ABCG1: variants seen among roughly 807,000 people sequenced by gnomAD.
The protein encoded by ABCG1 is ATP-binding cassette sub-family G member 1.
ABCG1 carries 29 observed loss-of-function variants against 69.2 expected under a neutral mutation model. The observed-to-expected ratio is 0.42, with a 90% confidence interval of 0.31 to 0.57. ABCG1 has a LOEUF of 0.57. Among genes scored for constraint, ABCG1 ranks in the 20% least tolerant of loss-of-function variants. The pLI, the probability that ABCG1 is intolerant of heterozygous loss-of-function variation, is 0.15. For synonymous variants in ABCG1, 370 were observed against 374.8 expected, an observed-to-expected ratio of 0.99 and a Z score of 0.15; for missense variants, 718 against 898.1, an observed-to-expected ratio of 0.80 and a Z score of 2.56.
At chr21:42,223,053 CGT>C (rs2067755429) in intron 1 of ABCG1, among the ~76,000 whole-genome samples, 1 of 152,202 alleles carries the variant, frequency 6.6e-6, no homozygotes, top group Non-Finnish European at 1.5e-5. Context: ...ATGCAAAACC[CGT>C]AACCAAGTTG....
chr21:42,204,175 T>C (rs1020341314), intron 2 of ABCG1, among the ~76,000 whole-genome samples: 2 of 152,230 alleles, frequency 1.3e-5, no homozygotes, highest in African/African-American at 4.8e-5. Context: ...TAGACAATCA[T>C]GTCATTTGAA....
rs145021301 is a variant in ABCG1, at chr21:42,205,813, T to C, written c.48+4090T>C. ...GAGTTTTCCTCATTTCCAATGTATA[T>C]GAATTCAGTGCTATAAATTTCCCTT... On this transcript the variant is annotated intron_variant, in intron 2 of 15. Coordinates refer to the ABCG1 transcript ENST00000398457. Among the ~76,000 whole-genome samples, 683 of 152,344 alleles carry C rather than the reference T, an allele frequency of 4.5e-3. 5 individuals carry two copies. Among genetic ancestry groups the C allele is most frequent in the African/African-American group, 0.015 (632 of 41,586 alleles).
intron 6 of ABCG1, 139 bp from the exon 7 acceptor site, chr21:42,284,421 C>A: frequency 9.5e-7 from 1 of 1,057,590 alleles, no homozygotes; most frequent in Non-Finnish European, 1.3e-6. Context: ...GAGCAGAGCC[C>A]GGCCTGGGAC....
At chr21:42,225,349 C>G (rs140619059) in intron 1 of ABCG1, among the ~76,000 whole-genome samples, 1 of 152,234 alleles carries the variant, frequency 6.6e-6, no homozygotes, top group African/African-American at 2.4e-5. Context: ...TAGATCGATG[C>G]CTATGGTGGC....
intron 6 of ABCG1, 53 bp downstream of exon 6, chr21:42,282,472 T>C: frequency 6.4e-7 from 1 of 1,557,012 alleles, no homozygotes; most frequent in Non-Finnish European, 8.7e-7. Flanking sequence ...ACCCCCTGTA[T>C]TCAGCGGTTC....
intron 2 of ABCG1, among the ~76,000 whole-genome samples, chr21:42,231,991 G>C (rs75512856): frequency 0.018 from 2,809 of 152,262 alleles, 81 homozygotes; most frequent in African/African-American, 0.063. Context: ...AGAATTCAGA[G>C]GACTGGAGAA....
At chr21:42,221,514 G>T (rs960015060) in intron 1 of ABCG1, among the ~76,000 whole-genome samples, 1 of 152,122 alleles carries the variant, frequency 6.6e-6, no homozygotes. Context: ...ACAAGGGGTG[G>T]CAAATGCGTC....
intron 2 of ABCG1, among the ~76,000 whole-genome samples, chr21:42,270,363 G>A (rs2068594600): frequency 6.7e-6 from 1 of 149,318 alleles, no homozygotes; most frequent in African/African-American, 2.5e-5. Flanking sequence ...CAGTCTATTT[G>A]AAAAAAAATT....
At chr21:42,245,256 T>C (rs1388009732) in intron 2 of ABCG1, among the ~76,000 whole-genome samples, 1 of 152,242 alleles carries the variant, frequency 6.6e-6, no homozygotes. Context: ...AAACAGGATT[T>C]ACTTAGAAGG....
At chr21:42,267,419 T>C (rs1267476979) in intron 2 of ABCG1, among the ~76,000 whole-genome samples, 2 of 151,510 alleles carry the variant, frequency 1.3e-5, no homozygotes, top group African/African-American at 2.4e-5. Flanking sequence ...CTGGGTCTGA[T>C]CTGGGTTCTG....
At chr21:42,254,850 G>T (rs139831542) in intron 2 of ABCG1, among the ~76,000 whole-genome samples, 1 of 152,218 alleles carries the variant, frequency 6.6e-6, no homozygotes, top group African/African-American at 2.4e-5. Flanking sequence ...TGGGGAGCGA[G>T]GGGGAGGGGA....
chr21:42,272,123 C>T (rs906519391), intron 3 of ABCG1, among the ~76,000 whole-genome samples: 22 of 152,284 alleles, frequency 1.4e-4, no homozygotes, highest in Admixed American at 9.8e-4. Context: ...TCACCCTTTT[C>T]CTTAGAGCTT....
chr21:42,239,233 C>T (rs2068017379), intron 2 of ABCG1, among the ~76,000 whole-genome samples: 1 of 152,142 alleles, frequency 6.6e-6, no homozygotes, highest in African/African-American at 2.4e-5. Flanking sequence ...ACTTACCCCT[C>T]CTGTGAAAAG....
At position 42,225,842 on chromosome 21, in the gene ABCG1, A is replaced by C. The variant is rs2067807925; in HGVS notation, c.214A>C (p.Arg72=). The C allele has an allele frequency of 6.2e-7, 1 of 1,613,806 alleles. No individual in the cohort carries two copies. Among genetic ancestry groups the C allele is most frequent in the African/African-American group, 1.3e-5 (1 of 74,814 alleles). The change falls in exon 2 of 15, where the codon AGG becomes CGG. Residue 72 remains arginine, a synonymous_variant. Transcript: ENST00000398449. The part of the protein sequence containing the change: ...EAQRFSSLPR[R]AAVNIEFRDL... ...CCAGCGCTTCTCCTCCTTGCCTCGG[A>C]GGGCAGCTGTGAACATTGAATTCAG...
At chr21:42,274,994 C>A (rs1331308928) in intron 4 of ABCG1, among the ~76,000 whole-genome samples, 1 of 152,120 alleles carries the variant, frequency 6.6e-6, no homozygotes, top group Admixed American at 6.5e-5. Context: ...TCATGTCTCT[C>A]CTGGCACCCT....
At chr21:42,267,335 G>T (rs1472918542) in intron 2 of ABCG1, among the ~76,000 whole-genome samples, 1 of 152,124 alleles carries the variant, frequency 6.6e-6, no homozygotes, top group Admixed American at 6.5e-5. Flanking sequence ...ACCTGGTCTG[G>T]GTGTGGTCTG....
intron 2 of ABCG1, among the ~76,000 whole-genome samples, chr21:42,204,202 C>G (rs981146629): frequency 6.6e-6 from 1 of 151,942 alleles, no homozygotes; most frequent in African/African-American, 2.4e-5. Flanking sequence ...AACAGTTTTG[C>G]TTTTTTTTCC....
chr21:42,279,964 T>C (rs907168841), intron 5 of ABCG1, among the ~76,000 whole-genome samples: 32 of 152,306 alleles, frequency 2.1e-4, no homozygotes, highest in African/African-American at 7.2e-4. Context: ...TATTTTCAAC[T>C]GGGTTTACAA....
chr21:42,282,495 C>T, intron 6 of ABCG1, 76 bp downstream of exon 6: 1 of 1,503,772 alleles, frequency 6.6e-7, no homozygotes, highest in Non-Finnish European at 9.0e-7. Context: ...CCAGGTGACC[C>T]TGACATCCTG....
Sources: gnomAD v4.1 joint callset for allele counts (sites outside exome capture counted in the v4.1 genomes callset) on GRCh38, gnomAD v4.1.1 for gene constraint, MANE v1.5 for transcripts, NCBI Gene and HGNC (gene_info 2026-07-23, HGNC 2026-07-21) for gene names.